Variants in BANK1 observed in about 807,000 individuals in gnomAD.
The protein encoded by BANK1 is B-cell scaffold protein with ankyrin repeats.
In BANK1, 95 loss-of-function variants were observed where a neutral mutation model predicts 94.5. The observed-to-expected ratio is 1.00, with a 90% CI of 0.85 to 1.19. The LOEUF (loss-of-function observed/expected upper bound fraction) is 1.19, where lower values mean the gene tolerates loss of function less well. Ranked by LOEUF, BANK1 falls within the 50% of genes most tolerant of loss-of-function variation. The probability of loss-of-function intolerance (pLI) is 0.00; values close to 1 mark genes in which losing one functional copy is unlikely to be tolerated. For synonymous variants in BANK1, 334 were observed against 308.4 expected (o/e 1.08, Z -0.87); for missense variants, 987 against 932.2 (o/e 1.06, Z -0.77).
At chr4:102,012,626 G>A (rs1726547331) in intron 7 of BANK1, among the ~76,000 whole-genome samples, 2 of 152,050 alleles carry the variant, frequency 1.3e-5, no homozygotes, top group South Asian at 4.2e-4. Context: ...AAATTGCTAG[G>A]TGTTCAAGTA....
chr4:101,821,469 C>G (rs1004929105), intron 1 of BANK1, among the ~76,000 whole-genome samples: 2 of 152,114 alleles, frequency 1.3e-5, no homozygotes, highest in Non-Finnish European at 2.9e-5. Context: ...TCCCATTTGT[C>G]AATTTTCACT....
chr4:101,800,414 T>C (rs1172231755), intron 1 of BANK1, among the ~76,000 whole-genome samples: 1 of 152,188 alleles, frequency 6.6e-6, no homozygotes, highest in Non-Finnish European at 1.5e-5. Flanking sequence ...TTTTTTGGTA[T>C]TGATCTTAAT....
At chr4:101,889,459 G>A (rs1461928404) in intron 5 of BANK1, among the ~76,000 whole-genome samples, 2 of 151,238 alleles carry the variant, frequency 1.3e-5, no homozygotes, top group Non-Finnish European at 3.0e-5. Context: ...TTAGCCGGGC[G>A]CGGTGGCGGG....
chr4:102,003,871 A>G (rs535361014), intron 7 of BANK1, among the ~76,000 whole-genome samples: 1 of 151,250 alleles, frequency 6.6e-6, no homozygotes, highest in South Asian at 2.1e-4. Flanking sequence ...AATATATTTC[A>G]TGTTCATATA....
chr4:101,942,640 C>A (rs1723792096), intron 7 of BANK1, among the ~76,000 whole-genome samples: 1 of 151,802 alleles, frequency 6.6e-6, no homozygotes, highest in African/African-American at 2.4e-5. Context: ...ATTTACAATT[C>A]TCTTACATAA....
At chr4:101,797,904 G>A (rs1725213633) in intron 1 of BANK1, among the ~76,000 whole-genome samples, 1 of 152,096 alleles carries the variant, frequency 6.6e-6, no homozygotes, top group African/African-American at 2.4e-5. Context: ...CAATGAATAG[G>A]ATAACATAGA....
At chr4:101,876,016 G>T (rs3974650) in intron 5 of BANK1, among the ~76,000 whole-genome samples, 70,542 of 151,944 alleles carry the variant, frequency 0.46, 17,926 homozygotes, top group African/African-American at 0.68. Flanking sequence ...CTTTAGGAAA[G>T]GAATGGAAGA....
intron 7 of BANK1, among the ~76,000 whole-genome samples, chr4:101,975,196 CT>C (rs1725084940): frequency 6.6e-6 from 1 of 152,150 alleles, no homozygotes; most frequent in Non-Finnish European, 1.5e-5. Flanking sequence ...TTCATCTAAG[CT>C]TGTTTTAAAT....
chr4:101,964,467 T>A (rs1724678374), intron 7 of BANK1, among the ~76,000 whole-genome samples: 1 of 152,066 alleles, frequency 6.6e-6, no homozygotes, highest in East Asian at 1.9e-4. Context: ...TAGAATGTCC[T>A]ACTTTGGGAA....
rs1408306330 is a variant in BANK1, at chr4:102,007,113, AT to A, written c.1207-14400del. 6.4e-5 allele frequency among the ~76,000 whole-genome samples: 6 copies of A among 93,462 alleles called. 1 individual carries two copies. In the South Asian group the frequency reaches 1.3e-3, roughly 20 times the overall value. The allele number at this position is 93,462 out of a possible 152,430, so 61.3% of individuals were successfully genotyped here. On this transcript the variant is annotated intron_variant, in intron 7 of 16. Transcript: ENST00000322953. Reference sequence around the variant, plus strand: ...ATATAATATATTTATATATATATAAATATATATTTTATATATATATAAAAAA... The same window carrying A: ...ATATAATATATTTATATATATATAAAATATATTTTATATATATATAAAAAA...
intron 5 of BANK1, among the ~76,000 whole-genome samples, chr4:101,877,041 C>T (rs1026678750): frequency 4.0e-5 from 6 of 151,572 alleles, no homozygotes; most frequent in Non-Finnish European, 8.8e-5. Context: ...ATCAGGCACA[C>T]TTATGGGATC....
intron 1 of BANK1, among the ~76,000 whole-genome samples, chr4:101,816,825 A>G (rs1725935815): frequency 6.6e-6 from 1 of 152,212 alleles, no homozygotes; most frequent in Non-Finnish European, 1.5e-5. Context: ...TAGACTACAT[A>G]AACACTTGGT....
Position 102,065,058 on chromosome 4 carries a change from AG to A in BANK1, c.2212+1923del, listed in dbSNP as rs370908275. On this transcript the variant is annotated intron_variant, in intron 13 of 16. Transcript: ENST00000322953. ...CAAAGCATGCAAGACAGCAACTTCT[AG>A]GGTATTGAAAGCAAAAGAGAGACAC... Among the ~76,000 whole-genome samples, 412 of 152,304 alleles carry A rather than the reference AG, an allele frequency of 2.7e-3. 4 individuals are homozygous for A. Among genetic ancestry groups the A allele is most frequent in the African/African-American group, 9.5e-3 (395 of 41,568 alleles).
At chr4:101,933,045 G>C (rs1444084226) in intron 7 of BANK1, among the ~76,000 whole-genome samples, 1 of 151,448 alleles carries the variant, frequency 6.6e-6, no homozygotes, top group African/African-American at 2.4e-5. Context: ...AAATATTCTT[G>C]TTTCCACAAC....
intron 3 of BANK1, among the ~76,000 whole-genome samples, chr4:101,861,859 A>T (rs1727890125): frequency 6.6e-6 from 1 of 151,600 alleles, no homozygotes; most frequent in African/African-American, 2.4e-5. Context: ...TTTTCTCAAT[A>T]TTTTTTCACA....
intron 7 of BANK1, among the ~76,000 whole-genome samples, chr4:101,969,071 T>C (rs1323802414): frequency 1.3e-5 from 2 of 152,028 alleles, no homozygotes; most frequent in East Asian, 3.9e-4. Flanking sequence ...CCATAGACTC[T>C]TCTCAGTATG....
At chr4:102,009,959 T>C (rs1435601946) in intron 7 of BANK1, among the ~76,000 whole-genome samples, 2 of 152,172 alleles carry the variant, frequency 1.3e-5, no homozygotes, top group Non-Finnish European at 2.9e-5. Context: ...TGTTTTTGAA[T>C]AAGTAAGTTA....
intron 2 of BANK1, among the ~76,000 whole-genome samples, chr4:101,837,506 G>T (rs1226916321): frequency 6.6e-6 from 1 of 152,140 alleles, no homozygotes; most frequent in East Asian, 1.9e-4. Flanking sequence ...TCTCTGGCTT[G>T]CATGATTTAA....
chr4:101,953,894 C>A (rs955697864), intron 7 of BANK1, among the ~76,000 whole-genome samples: 1 of 152,036 alleles, frequency 6.6e-6, no homozygotes, highest in Admixed American at 6.6e-5. Context: ...TATTTGTTTT[C>A]TAGGGCTGTT....
Sources: gnomAD v4.1 joint callset for allele counts (sites outside exome capture counted in the v4.1 genomes callset) on GRCh38, gnomAD v4.1.1 for gene constraint, MANE v1.5 for transcripts, NCBI Gene and HGNC (gene_info 2026-07-23, HGNC 2026-07-21) for gene names.